Variants in TLCD5 observed in about 807,000 individuals in gnomAD.
The protein encoded by TLCD5 is TLC domain containing 5.
Under a neutral mutation model 20.5 loss-of-function variants are expected in TLCD5, and 15 were observed. That is an observed-to-expected ratio of 0.73 (90% CI 0.49 to 1.13). TLCD5 has a LOEUF of 1.13. Ranked by LOEUF, TLCD5 falls within the 50% of genes most tolerant of loss-of-function variation. TLCD5 has a pLI of 0.00. For missense variants in TLCD5, 289 were observed against 305.6 expected, an observed-to-expected ratio of 0.95 and a Z score of 0.41; for synonymous variants, 107 against 114.7, an observed-to-expected ratio of 0.93 and a Z score of 0.43.
At chr11:120,328,048 T>C (rs1334097070) in intron 2 of TLCD5, among the ~76,000 whole-genome samples, 1 of 152,150 alleles carries the variant, frequency 6.6e-6, no homozygotes, top group Non-Finnish European at 1.5e-5. Flanking sequence ...TTCCTTATCC[T>C]TTTTGTTACT....
intron 2 of TLCD5, among the ~76,000 whole-genome samples, chr11:120,328,924 G>GTA (rs1565400232): frequency 7.0e-6 from 1 of 143,392 alleles, no homozygotes; most frequent in East Asian, 2.0e-4. Flanking sequence ...CATAGTGTGT[G>GTA]TGTGTGTGTG....
chr11:120,333,241 T>C lies in TLCD5; in HGVS notation c.*2726T>C, dbSNP rs1008476274. 2 of 152,222 alleles carry C rather than the reference T, an allele frequency of 1.3e-5. No individual in the cohort carries two copies. Among genetic ancestry groups the C allele is most frequent in the African/African-American group, 4.8e-5 (2 of 41,456 alleles). 9.4% of individuals were successfully genotyped at this position (152,222 alleles called of 1,614,324 possible). A position where few individuals can be genotyped will look rare whatever the true frequency, so the allele number is the denominator to read the frequency against. On this transcript the variant is annotated 3_prime_UTR_variant, in exon 3 of 3. Coordinates refer to ENST00000375095, the MANE Select transcript of TLCD5 (RefSeq NM_001198671.2). This position sits in a 1 kb window ranked among gnomAD's most constrained non-coding sequence, Gnocchi z 4.5. ...TTTTGGCACAGTGCAACCTGTTCCA[T>C]ACCAGACAAATGAACAGGCTTAATC...
Position 120,330,251 on chromosome 11 carries a change from T to G in TLCD5, c.474T>G (p.Asp158Glu). ...GGCACTATCACAGTTTCACTGGAGA[T>G]GTAGTGGACTTCCTCTTTGTGGCTC... ...ETGHYHSFTG[D>E]VVDFLFVALF... Residue 158 changes from aspartate to glutamate, a missense_variant, in exon 3 of 3, where the codon GAT becomes GAG. Coordinates refer to ENST00000375095, the MANE Select transcript of TLCD5 (RefSeq NM_001198671.2). 2 of 1,553,042 alleles carry G rather than the reference T, an allele frequency of 1.3e-6. No individual in the cohort carries two copies. The highest frequency in any genetic ancestry group is 1.7e-6 in the Non-Finnish European group (2 of 1,149,314).
rs575190487 is a variant in TLCD5 at position 120,329,456 on chromosome 11, T to C, written c.200-521T>C. On this transcript the variant is annotated intron_variant, in intron 2 of 2. Coordinates refer to ENST00000375095, the MANE Select transcript of TLCD5 (RefSeq NM_001198671.2). ...AAATATGTCAGGTCCTTAAAACCTATGTTCCTGGACATGAGCACACACTAA... is the reference window on the plus strand; with the variant it reads ...AAATATGTCAGGTCCTTAAAACCTACGTTCCTGGACATGAGCACACACTAA... Among the ~76,000 whole-genome samples the C allele has an allele frequency of 1.6e-4, 24 of 152,306 alleles. No homozygotes were observed. In the South Asian group the frequency reaches 3.7e-3, roughly 24 times the overall value.
In TLCD5 at chr11:120,330,065, G is replaced by A. The variant is rs747915004; in HGVS notation, c.288G>A (p.Gln96=). The stretch of plus-strand genomic sequence containing the variant: ...ACTTGGGCTGGTGCGTCTACTTTCA[G>A]TCTGAGGGTGCCTTGATGCTGGCTC... ...IFDLGWCVYF[Q]SEGALMLAHH... The change falls in exon 3 of 3, where the codon CAG becomes CAA. Residue 96 remains glutamine, a synonymous_variant. Coordinates refer to ENST00000375095, the MANE Select transcript of TLCD5 (RefSeq NM_001198671.2). The A allele has an allele frequency of 6.2e-7, 1 of 1,614,172 alleles. No homozygotes were observed. The highest frequency in any genetic ancestry group is 8.5e-7 in the Non-Finnish European group (1 of 1,180,048).
intron 2 of TLCD5, among the ~76,000 whole-genome samples, chr11:120,328,872 T>G (rs867176171): frequency 6.7e-6 from 1 of 148,158 alleles, no homozygotes; most frequent in Admixed American, 6.7e-5. Flanking sequence ...TGTATGTATA[T>G]GTATGCATAT....
rs902597515 is a variant in TLCD5, at chr11:120,333,383, A to G, written c.*2868A>G. On this transcript the variant is annotated 3_prime_UTR_variant, in exon 3 of 3. Transcript: ENST00000375095. This position sits in a 1 kb window ranked among gnomAD's most constrained non-coding sequence, Gnocchi z 4.5. Reference sequence around the variant, plus strand: ...GTTTTTTTGAATGGTGAGAAATCTGAATAATTGGTAAGGGGAAGGGAATCC... The same window carrying G: ...GTTTTTTTGAATGGTGAGAAATCTGGATAATTGGTAAGGGGAAGGGAATCC... 1.6e-4 allele frequency: 25 copies of G among 152,138 alleles called. No homozygotes were observed. The highest frequency in any genetic ancestry group is 5.3e-4 in the African/African-American group (22 of 41,424). The allele number at this position is 152,138 out of a possible 1,614,324, so 9.4% of individuals were successfully genotyped here. A position where few individuals can be genotyped will look rare whatever the true frequency, so the allele number is the denominator to read the frequency against.
intron 1 of TLCD5, chr11:120,327,240 T>C: frequency 1.1e-6 from 1 of 913,560 alleles, no homozygotes; most frequent in Non-Finnish European, 1.6e-6. Flanking sequence ...GTTGCTAACA[T>C]GTTATCTCTG....
intron 2 of TLCD5, 35 bp from the exon 3 acceptor site, chr11:120,329,942 G>C (rs778023873): frequency 6.3e-7 from 1 of 1,582,952 alleles, no homozygotes; most frequent in Non-Finnish European, 8.6e-7. Context: ...ACAATTCCCA[G>C]TCACTCAATT....
intron 2 of TLCD5, among the ~76,000 whole-genome samples, 200 bp downstream of exon 2, chr11:120,327,840 A>C (rs1942037226): frequency 6.6e-6 from 1 of 152,168 alleles, no homozygotes; most frequent in Non-Finnish European, 1.5e-5. Flanking sequence ...TCTACTTTTA[A>C]AACAGATTTT....
At chr11:120,325,442 G>T (rs1941970907) in intron 1 of TLCD5, 74 bp downstream of exon 1, 1 of 151,754 alleles carries the variant, frequency 6.6e-6, no homozygotes, top group African/African-American at 2.4e-5. Context: ...GGAAGGAGGC[G>T]GCAGAGGGCC....
intron 1 of TLCD5, 57 bp from the exon 2 acceptor site, chr11:120,327,384 G>A (rs1893261): frequency 0.38 from 618,160 of 1,612,038 alleles, 120,016 homozygotes; most frequent in South Asian, 0.45. Flanking sequence ...AAATGACCCA[G>A]TGCTGTTTTC....
In TLCD5 at chr11:120,329,380, T is replaced by C. The variant is rs891880084; in HGVS notation, c.200-597T>C. The stretch of plus-strand genomic sequence containing the variant: ...GTTTCCCCCCAAACTGTCAAACTAA[T>C]GAAACCAACTGTTACGCTTTGTGTT... On this transcript the variant is annotated intron_variant, in intron 2 of 2. Coordinates refer to ENST00000375095, the MANE Select transcript of TLCD5 (RefSeq NM_001198671.2). 6.6e-5 allele frequency among the ~76,000 whole-genome samples: 10 copies of C among 152,194 alleles called. No homozygotes were observed. In the East Asian group the frequency reaches 1.9e-3, roughly 29 times the overall value.
chr11:120,327,555 G>C lies in TLCD5; in HGVS notation c.114G>C (p.Leu38=), dbSNP rs1036675803. 3 of 1,614,010 alleles carry C rather than the reference G, an allele frequency of 1.9e-6. No homozygotes were observed. The highest frequency in any genetic ancestry group is 2.5e-6 in the Non-Finnish European group (3 of 1,180,028). ...KHRSYEWSCR[L]VTFTHGVLSI... ...GAAGCTATGAGTGGAGCTGCCGCCT[G>C]GTCACCTTCACCCATGGAGTCCTCT... The change falls in exon 2 of 3, where the codon CTG becomes CTC. Residue 38 remains leucine (L), a synonymous_variant. Transcript: ENST00000375095.
At chr11:120,328,303 G>A (rs528634957) in intron 2 of TLCD5, among the ~76,000 whole-genome samples, 40 of 152,068 alleles carry the variant, frequency 2.6e-4, no homozygotes, top group African/African-American at 8.4e-4. Flanking sequence ...GGATGGTCTC[G>A]ATCTCCTGAC....
chr11:120,328,940 GTGTGTT>G (rs72412112), intron 2 of TLCD5, among the ~76,000 whole-genome samples: 1,000 of 80,982 alleles, frequency 0.012, 6 homozygotes, highest in African/African-American at 0.017. Context: ...GTGTGTGTGT[GTGTGTT>G]TGTGTATGTT....
chr11:120,329,082 G>T (rs970708168), intron 2 of TLCD5, among the ~76,000 whole-genome samples: 57 of 98,088 alleles, frequency 5.8e-4, no homozygotes, highest in Middle Eastern at 4.5e-3. Context: ...CAGTCATATT[G>T]TGTGTGTGTG....
intron 2 of TLCD5, 66 bp downstream of exon 2, chr11:120,327,706 A>T: frequency 6.7e-7 from 1 of 1,494,986 alleles, no homozygotes; most frequent in Non-Finnish European, 9.0e-7. Flanking sequence ...TGGGACTTTT[A>T]AACAGAATTT....
rs781402180 is a variant in TLCD5, at chr11:120,327,561, C to T, written c.120C>T (p.Thr40=). The T allele has an allele frequency of 3.1e-6, 5 of 1,614,066 alleles. No homozygotes were observed. The highest frequency in any genetic ancestry group is 4.5e-5 in the East Asian group (2 of 44,902). ...RSYEWSCRLV[T]FTHGVLSIGL... is the part of the protein sequence containing the mutation. Reference sequence around the variant, plus strand: ...ATGAGTGGAGCTGCCGCCTGGTCACCTTCACCCATGGAGTCCTCTCTATAG... The same window carrying T: ...ATGAGTGGAGCTGCCGCCTGGTCACTTTCACCCATGGAGTCCTCTCTATAG... Residue 40 remains threonine (T), a synonymous_variant, in exon 2 of 3, where the codon ACC becomes ACT. Transcript: ENST00000375095.
Sources: allele counts gnomAD v4.1 joint callset (sites outside exome capture counted in the v4.1 genomes callset), GRCh38; gene constraint gnomAD v4.1.1; non-coding constraint Gnocchi (gnomAD v3.1); transcripts MANE v1.5; gene names NCBI Gene and HGNC (gene_info 2026-07-23, HGNC 2026-07-21).